The following WDR27 variants were observed in gnomAD, a reference collection of about 807,000 sequenced individuals.
WDR27 encodes WD repeat-containing protein 27.
Under a neutral mutation model 114.4 loss-of-function variants are expected in WDR27, and 100 were observed. The ratio of observed to expected loss-of-function variants is 0.87; its 90% CI spans 0.74 to 1.03. The LOEUF (loss-of-function observed/expected upper bound fraction) is 1.03. Ranked by LOEUF, WDR27 falls within the 50% of genes least tolerant of loss-of-function variation. The probability of loss-of-function intolerance (pLI) is 0.00; values close to 1 mark genes in which losing one functional copy is unlikely to be tolerated. For missense variants in WDR27, 1,129 were observed against 1,092.9 expected (o/e 1.03, Z -0.47); for synonymous variants, 449 against 423.1 (o/e 1.06, Z -0.75).
the WDR27 span, among the ~76,000 whole-genome samples, chr6:169,435,077 C>T: frequency 6.6e-6 from 1 of 152,236 alleles, no homozygotes; most frequent in African/African-American, 2.4e-5. Context: ...GGGTCCAAGG[C>T]ATAGCTTAGG....
intron 25 of WDR27, among the ~76,000 whole-genome samples, chr6:169,458,359 T>C (rs1156813817): frequency 6.6e-6 from 1 of 152,146 alleles, no homozygotes; most frequent in Non-Finnish European, 1.5e-5. Flanking sequence ...GAGCAGCCAT[T>C]GTTACTGTTC....
At chr6:169,453,383 G>A (rs547606854), downstream of WDR27, among the ~76,000 whole-genome samples, 20 of 151,770 alleles carry the variant, frequency 1.3e-4, no homozygotes, top group Admixed American at 3.3e-4. Flanking sequence ...CAGGTCATCC[G>A]TTGGGAAAAA....
intron 25 of WDR27, among the ~76,000 whole-genome samples, chr6:169,565,242 A>G (rs922834585): frequency 1.3e-5 from 2 of 152,244 alleles, no homozygotes; most frequent in African/African-American, 4.8e-5. Flanking sequence ...ACTGAAGGCC[A>G]GTTTCCAAAT....
At chr6:169,649,349 A>G in intron 14 of WDR27, 74 bp from the exon 15 acceptor site, 1 of 1,322,082 alleles carries the variant, frequency 7.6e-7, no homozygotes. Context: ...TATATTTTAC[A>G]GTGAAAAAAA....
rs148794011 is a variant in WDR27 at position 169,485,672 on chromosome 6, G to T, written c.2646-28038C>A. Among the ~76,000 whole-genome samples, 183 of 152,266 alleles carry T rather than the reference G, an allele frequency of 1.2e-3. 1 individual carries two copies. The highest frequency in any genetic ancestry group is 4.1e-3 in the African/African-American group (171 of 41,554). On this transcript the variant is annotated intron_variant, in intron 25 of 25. Coordinates refer to ENST00000448612, the MANE Select transcript of WDR27 (RefSeq NM_182552.5). Reference sequence around the variant, plus strand: ...CCCATTGTTGGGTATATACCCAAAGGAATATAAATTATTCTATCCTAAAGA... The same window carrying T: ...CCCATTGTTGGGTATATACCCAAAGTAATATAAATTATTCTATCCTAAAGA...
At chr6:169,651,060 G>A (rs998028570) in intron 14 of WDR27, among the ~76,000 whole-genome samples, 1 of 151,998 alleles carries the variant, frequency 6.6e-6, no homozygotes, top group African/African-American at 2.4e-5. Context: ...CTGGAGCACA[G>A]CAGTACCACT....
intron 25 of WDR27, among the ~76,000 whole-genome samples, chr6:169,545,010 T>A (rs1584106907): frequency 6.6e-6 from 1 of 152,346 alleles, no homozygotes; most frequent in East Asian, 1.9e-4. Flanking sequence ...TTAATGCAAT[T>A]TTTATCAAAA....
intron 25 of WDR27, among the ~76,000 whole-genome samples, chr6:169,564,261 C>T (rs1490694606): frequency 6.6e-6 from 1 of 152,226 alleles, no homozygotes; most frequent in Non-Finnish European, 1.5e-5. Context: ...CAAGTCTAGT[C>T]CTTCCACGTT....
At chr6:169,515,538 AT>A (rs1424996591) in intron 25 of WDR27, among the ~76,000 whole-genome samples, 1 of 152,136 alleles carries the variant, frequency 6.6e-6, no homozygotes, top group African/African-American at 2.4e-5. Context: ...CAAAGTTACC[AT>A]TATTTACACA....
chr6:169,647,694 A>C, intron 16 of WDR27, 79 bp downstream of exon 16: 1 of 1,186,448 alleles, frequency 8.4e-7, no homozygotes, highest in Non-Finnish European at 1.2e-6. Flanking sequence ...TTATGATACA[A>C]TAGAAAAATG....
In WDR27 at chr6:169,551,649, A is replaced by G. The variant is rs181544398; in HGVS notation, c.2645+20770T>C. On this transcript the variant is annotated intron_variant, in intron 25 of 25. Coordinates refer to ENST00000448612, the MANE Select transcript of WDR27 (RefSeq NM_182552.5). ...CTACTCAGGAGGCTGAGGCAGGAGA[A>G]TCACTTGAACCCAGGAGGTGGAGGT... 2.7e-5 allele frequency among the ~76,000 whole-genome samples: 4 copies of G among 150,614 alleles called. No individual in the cohort carries two copies. The East Asian group carries it at 7.9e-4, about 30-fold the overall frequency.
chr6:169,600,491 A>C (rs1312897026), intron 23 of WDR27, among the ~76,000 whole-genome samples: 2 of 152,256 alleles, frequency 1.3e-5, no homozygotes, highest in Non-Finnish European at 2.9e-5. Context: ...TGAGAGAAGA[A>C]GGCTTCGGAC....
intron 23 of WDR27, among the ~76,000 whole-genome samples, chr6:169,588,621 C>T (rs1272503775): frequency 4.6e-5 from 7 of 152,160 alleles, no homozygotes; most frequent in Non-Finnish European, 1.0e-4. Flanking sequence ...TTTTCTTCTG[C>T]CACAAGCACA....
At chr6:169,602,723 T>C (rs994607024) in intron 22 of WDR27, among the ~76,000 whole-genome samples, 2 of 152,168 alleles carry the variant, frequency 1.3e-5, no homozygotes, top group Non-Finnish European at 2.9e-5. Context: ...TTCACAACTA[T>C]TTAAAAAGTG....
chr6:169,608,905 G>A (rs1053363399), intron 22 of WDR27, among the ~76,000 whole-genome samples: 1 of 152,164 alleles, frequency 6.6e-6, no homozygotes, highest in East Asian at 1.9e-4. Context: ...TAGATACAAT[G>A]GGGGTACAGG....
At position 169,643,689 on chromosome 6, in the gene WDR27, T is replaced by A. The variant is rs368480031; in HGVS notation, c.1747+8A>T. The A allele has an allele frequency of 3.8e-5, 61 of 1,612,182 alleles. No homozygotes were observed. Among genetic ancestry groups the A allele is most frequent in the Non-Finnish European group, 5.2e-5 (61 of 1,178,946 alleles). ...GTTCATACTGACTGAAATTAAGACA[T>A]GTTTTACCTGAAAACACAGCAGGTG... On this transcript the variant is annotated splice_region_variant and intron_variant, in intron 17 of 25. Transcript: ENST00000448612.
At chr6:169,591,603 C>A (rs1805754709) in intron 23 of WDR27, among the ~76,000 whole-genome samples, 1 of 152,140 alleles carries the variant, frequency 6.6e-6, no homozygotes, top group Admixed American at 6.5e-5. Flanking sequence ...TTGTTTTTAG[C>A]TATAGCTTTT....
At chr6:169,574,477 C>CT (rs1801932058) in intron 24 of WDR27, among the ~76,000 whole-genome samples, 2 of 152,126 alleles carry the variant, frequency 1.3e-5, no homozygotes, top group African/African-American at 4.8e-5. Flanking sequence ...CTGTCTCCCG[C>CT]TTTTCAAAAG....
chr6:169,478,428 T>C (rs1787492644), intron 25 of WDR27, among the ~76,000 whole-genome samples: 1 of 152,196 alleles, frequency 6.6e-6, no homozygotes, highest in Admixed American at 6.5e-5. Flanking sequence ...ATGTAAAAGA[T>C]GGCACTAATA....
Sources: gnomAD v4.1 joint callset for allele counts (sites outside exome capture counted in the v4.1 genomes callset) on GRCh38, gnomAD v4.1.1 for gene constraint, MANE v1.5 for transcripts, NCBI Gene and HGNC (gene_info 2026-07-23, HGNC 2026-07-21) for gene names.